The following CETN3 variants were observed in gnomAD, a reference collection of about 807,000 sequenced individuals.
CETN3 encodes centrin-3.
In CETN3, 17 loss-of-function variants were observed where a neutral mutation model predicts 20.1. That is an observed-to-expected ratio of 0.85 (90% CI 0.58 to 1.27). CETN3 has a LOEUF of 1.27. Ranked by LOEUF, CETN3 falls within the 50% of genes most tolerant of loss-of-function variation. The probability of loss-of-function intolerance (pLI) is 0.00; values close to 1 mark genes in which losing one functional copy is unlikely to be tolerated. For synonymous variants in CETN3, 52 were observed against 59.7 expected, an observed-to-expected ratio of 0.87 and a Z score of 0.59; for missense variants, 169 against 191.2, an observed-to-expected ratio of 0.88 and a Z score of 0.69.
intron 4 of CETN3, 108 bp downstream of exon 4, chr5:90,399,250 A>G: frequency 1.2e-6 from 1 of 868,254 alleles, no homozygotes; most frequent in South Asian, 1.5e-5. Flanking sequence ...CCATTACAAG[A>G]AGCAGTTAAG....
rs1282384602 is a variant in CETN3, at chr5:90,392,310, AT to A, written c.*1753del. 2 of 152,192 alleles carry A rather than the reference AT, an allele frequency of 1.3e-5. No individual in the cohort carries two copies. Among genetic ancestry groups the A allele is most frequent in the Non-Finnish European group, 2.9e-5 (2 of 68,028 alleles). 9.4% of individuals were successfully genotyped at this position (152,192 alleles called of 1,614,324 possible). Reference sequence around the variant, plus strand: ...ACTTTCCTGGAAATCAATATATTTCATGATCAAGACAGAGGGAACTCATCAG... The same window carrying A: ...ACTTTCCTGGAAATCAATATATTTCAGATCAAGACAGAGGGAACTCATCAG... On this transcript the variant is annotated 3_prime_UTR_variant, in exon 5 of 5. Transcript: ENST00000283122.
At chr5:90,402,477 T>A (rs1280840089) in intron 3 of CETN3, among the ~76,000 whole-genome samples, 1 of 152,236 alleles carries the variant, frequency 6.6e-6, no homozygotes, top group African/African-American at 2.4e-5. Context: ...TGTTGCTGCT[T>A]TCTAAGCCTA....
chr5:90,396,130 A>G (rs1015993164), intron 4 of CETN3: 21 of 980,390 alleles, frequency 2.1e-5, no homozygotes, highest in Non-Finnish European at 2.5e-5. Flanking sequence ...AAGGAAGTAG[A>G]AAGAGAGCTG....
rs146893333 is a variant in CETN3 at position 90,401,509 on chromosome 5, C to A, written c.269-1960G>T. 3.1e-3 allele frequency among the ~76,000 whole-genome samples: 477 copies of A among 152,198 alleles called. 2 individuals carry two copies. The highest frequency in any genetic ancestry group is 0.011 in the African/African-American group (455 of 41,480). On this transcript the variant is annotated intron_variant, in intron 3 of 4. Transcript: ENST00000283122. ...ATCAGAAATGTACTTCATCAAAATACTTTCTTAGACCTTTAATGTGTAAAA... is the reference window on the plus strand; with the variant it reads ...ATCAGAAATGTACTTCATCAAAATAATTTCTTAGACCTTTAATGTGTAAAA...
At chr5:90,402,011 G>A (rs1749303342) in intron 3 of CETN3, among the ~76,000 whole-genome samples, 1 of 151,944 alleles carries the variant, frequency 6.6e-6, no homozygotes, top group South Asian at 2.1e-4. Context: ...ATCATGTCTG[G>A]CTAATTTTTT....
At chr5:90,404,601 G>A (rs1749385706) in intron 3 of CETN3, among the ~76,000 whole-genome samples, 1 of 152,112 alleles carries the variant, frequency 6.6e-6, no homozygotes, top group Non-Finnish European at 1.5e-5. Context: ...GATCTTCTGT[G>A]CTGTGTTTTT....
At chr5:90,407,666 CACAGAA>C (rs1355949665) in intron 2 of CETN3, 27 bp downstream of exon 2, 2 of 1,341,552 alleles carry the variant, frequency 1.5e-6, no homozygotes, top group Non-Finnish European at 2.0e-6. Context: ...ATCATTTTAA[CACAGAA>C]ACAAATATTT....
chr5:90,395,113 A>G (rs1433749492), intron 4 of CETN3, among the ~76,000 whole-genome samples: 1 of 152,180 alleles, frequency 6.6e-6, no homozygotes, highest in Non-Finnish European at 1.5e-5. Flanking sequence ...TTCATCTGAA[A>G]ACACTGAACT....
intron 3 of CETN3, among the ~76,000 whole-genome samples, chr5:90,401,493 G>A (rs1343049927): frequency 6.6e-6 from 1 of 152,250 alleles, no homozygotes; most frequent in East Asian, 1.9e-4. Flanking sequence ...TATCAGAAAT[G>A]TACTTCATCA....
chr5:90,407,704 A>C lies in CETN3; in HGVS notation c.148T>G (p.Leu50Val). 6.6e-7 allele frequency: 1 copy of C among 1,520,192 alleles called. No individual in the cohort carries two copies. Among genetic ancestry groups the C allele is most frequent in the Non-Finnish European group, 8.9e-7 (1 of 1,122,154 alleles). 94.2% of individuals were successfully genotyped at this position (1,520,192 alleles called of 1,614,324 possible). A position where few individuals can be genotyped will look rare whatever the true frequency, so the allele number is the denominator to read the frequency against. The change falls in exon 2 of 5, where the codon TTA becomes GTA. Residue 50 changes from leucine to valine, a missense_variant. By Grantham distance (32) the Leu-to-Val change is conservative (BLOSUM62 1). Coordinates refer to ENST00000283122, the MANE Select transcript of CETN3 (RefSeq NM_004365.4). ...DKDEAIDYHE[L>V]KVAMRALGFD... is the part of the protein sequence containing the mutation. Reference sequence around the variant, plus strand: ...ATTTTAAAGTATACCATTACCTTTAATTCATGATAATCTATTGCTTCATCT... The same window carrying C: ...ATTTTAAAGTATACCATTACCTTTACTTCATGATAATCTATTGCTTCATCT...
At chr5:90,404,378 T>C (rs1483716475) in intron 3 of CETN3, among the ~76,000 whole-genome samples, 3 of 152,216 alleles carry the variant, frequency 2.0e-5, no homozygotes, top group Non-Finnish European at 4.4e-5. Flanking sequence ...TTCCACTATA[T>C]ACAAACACCT....
chr5:90,409,508 C>T, intron 1 of CETN3, 137 bp downstream of exon 1: 1 of 969,898 alleles, frequency 1.0e-6, no homozygotes, highest in Non-Finnish European at 1.6e-6. Context: ...TCCGGGCAGG[C>T]TGCCCTAGGC....
At chr5:90,409,308 T>C (rs1457238009) in intron 1 of CETN3, among the ~76,000 whole-genome samples, 1 of 152,128 alleles carries the variant, frequency 6.6e-6, no homozygotes, top group Admixed American at 6.5e-5. Context: ...CACGGATGAA[T>C]GAAGGGATGT....
intron 4 of CETN3, chr5:90,399,057 A>ATAGAACT: frequency 2.0e-6 from 1 of 504,236 alleles, no homozygotes; most frequent in Admixed American, 3.5e-5. Context: ...GGGAAAATCA[A>ATAGAACT]TAGAACTTAG....
At chr5:90,395,965 G>T in intron 4 of CETN3, 1 of 910,756 alleles carries the variant, frequency 1.1e-6, no homozygotes, top group Non-Finnish European at 1.3e-6. Context: ...CAGAACAAAT[G>T]TTTTATAACA....
chr5:90,406,655 G>A (rs547339999), intron 2 of CETN3, among the ~76,000 whole-genome samples: 14 of 151,342 alleles, frequency 9.3e-5, no homozygotes, highest in Non-Finnish European at 1.6e-4. Flanking sequence ...TGGTTTATGA[G>A]CAATGAACAA....
intron 3 of CETN3, among the ~76,000 whole-genome samples, chr5:90,405,236 A>G (rs932749404): frequency 1.3e-5 from 2 of 152,174 alleles, no homozygotes; most frequent in African/African-American, 2.4e-5. Flanking sequence ...ATCTACAGCC[A>G]AAGATACCAA....
At chr5:90,403,875 GAAAAAA>G (rs60385437) in intron 3 of CETN3, among the ~76,000 whole-genome samples, 10,087 of 86,708 alleles carry the variant, frequency 0.12, 162 homozygotes, top group Middle Eastern at 0.14. Context: ...TGTCTCAAAA[GAAAAAA>G]AAAAAAAAAA....
At chr5:90,409,077 G>A (rs1050837922) in intron 1 of CETN3, among the ~76,000 whole-genome samples, 20 of 152,048 alleles carry the variant, frequency 1.3e-4, no homozygotes, top group African/African-American at 4.8e-4. Context: ...AGTGGGAGAG[G>A]GCAACAGAGG....
Sources: allele counts gnomAD v4.1 joint callset (sites outside exome capture counted in the v4.1 genomes callset), GRCh38; gene constraint gnomAD v4.1.1; transcripts MANE v1.5; gene names NCBI Gene and HGNC (gene_info 2026-07-23, HGNC 2026-07-21).